Variants in YPEL2 observed in about 807,000 individuals in gnomAD.
YPEL2 encodes yippee like 2.
In YPEL2, 2 loss-of-function variants were observed where a neutral mutation model predicts 19.1. The ratio of observed to expected loss-of-function variants is 0.10; its 90% CI spans 0.04 to 0.33. The LOEUF is 0.33. Among genes scored for constraint, YPEL2 ranks in the 10% least tolerant of loss-of-function variants. YPEL2 has a pLI of 1.00. For synonymous variants in YPEL2, 52 were observed against 50.0 expected (o/e 1.04, Z -0.17); for missense variants, 66 against 140.7 (o/e 0.47, Z 2.68).
chr17:59,377,522 C>A (rs1456423428), intron 2 of YPEL2, among the ~76,000 whole-genome samples: 2 of 152,182 alleles, frequency 1.3e-5, no homozygotes, highest in East Asian at 3.8e-4. Flanking sequence ...GGGCATCCCC[C>A]ACTCCATCCT....
intron 2 of YPEL2, among the ~76,000 whole-genome samples, chr17:59,381,921 T>A (rs1232072119): frequency 6.6e-6 from 1 of 152,156 alleles, no homozygotes; most frequent in Non-Finnish European, 1.5e-5. Flanking sequence ...TAACTTCCTT[T>A]CAGTCTCCCC....
chr17:59,338,008 G>A (rs1313451325), intron 1 of YPEL2, among the ~76,000 whole-genome samples: 1 of 152,180 alleles, frequency 6.6e-6, no homozygotes, highest in Non-Finnish European at 1.5e-5. Context: ...TCTCTGAAAC[G>A]AGACAGAGCA....
intron 4 of YPEL2, 72 bp downstream of exon 4, chr17:59,389,540 C>G (rs1005607261): frequency 1.7e-6 from 2 of 1,166,540 alleles, no homozygotes; most frequent in Admixed American, 1.9e-5. Flanking sequence ...AGAACACTTT[C>G]TTCTACTCGC....
chr17:59,393,353 G>T (rs1157218263), intron 4 of YPEL2, among the ~76,000 whole-genome samples: 1 of 149,330 alleles, frequency 6.7e-6, no homozygotes, highest in African/African-American at 2.5e-5. Context: ...TCCCAGGCTG[G>T]TCTCAAACCG....
chr17:59,334,892 GC>G (rs146405263), intron 1 of YPEL2, among the ~76,000 whole-genome samples: 1,686 of 152,242 alleles, frequency 0.011, 58 homozygotes, highest in Admixed American at 0.065. Flanking sequence ...CAAAAGGATG[GC>G]AAGGGATAAG....
chr17:59,365,202 G>A (rs2047862243), intron 2 of YPEL2, among the ~76,000 whole-genome samples: 2 of 152,176 alleles, frequency 1.3e-5, no homozygotes, highest in South Asian at 4.1e-4. Flanking sequence ...GAGAGTCTCA[G>A]CAGTTGCCCT....
intron 2 of YPEL2, among the ~76,000 whole-genome samples, chr17:59,368,376 C>G (rs1017056656): frequency 1.4e-4 from 22 of 152,160 alleles, no homozygotes; most frequent in African/African-American, 4.8e-4. Context: ...GAACCGTGCA[C>G]TTGCCTGGAA....
At chr17:59,351,058 C>G (rs543407783) in intron 1 of YPEL2, among the ~76,000 whole-genome samples, 1 of 152,170 alleles carries the variant, frequency 6.6e-6, no homozygotes, top group South Asian at 2.1e-4. Flanking sequence ...TGCTGTCTAT[C>G]CTGAAATGGA....
intron 2 of YPEL2, among the ~76,000 whole-genome samples, chr17:59,381,601 G>A (rs1293459207): frequency 1.3e-5 from 2 of 152,120 alleles, no homozygotes; most frequent in Non-Finnish European, 2.9e-5. Flanking sequence ...GACTTGCAAA[G>A]GGGCCCAAAA....
intron 4 of YPEL2, among the ~76,000 whole-genome samples, chr17:59,396,553 G>A (rs1454328393): frequency 6.6e-6 from 1 of 152,198 alleles, no homozygotes; most frequent in Non-Finnish European, 1.5e-5. Context: ...AATGAGCGAA[G>A]CTCCTGGAAA....
At chr17:59,391,980 C>T (rs1361552896) in intron 4 of YPEL2, among the ~76,000 whole-genome samples, 2 of 151,758 alleles carry the variant, frequency 1.3e-5, no homozygotes, top group Non-Finnish European at 2.9e-5. Context: ...CTATGGTTGG[C>T]TTGGTTGTTC....
intron 2 of YPEL2, among the ~76,000 whole-genome samples, chr17:59,363,702 T>C (rs2047853757): frequency 6.6e-6 from 1 of 152,232 alleles, no homozygotes; most frequent in Admixed American, 6.5e-5. Context: ...ACAACATCCT[T>C]TCAATGTGGG....
rs188884090 is a variant in YPEL2, at chr17:59,393,439, T to G, written c.271-3662T>G. On this transcript the variant is annotated intron_variant, in intron 4 of 4. Transcript: ENST00000312655. ...TGTGAGCCACCACGCCTGGCCGAAT[T>G]TTTTTTTTCATAATAGGAAACTCAT... 1.0e-3 allele frequency among the ~76,000 whole-genome samples: 151 copies of G among 150,814 alleles called. 1 individual carries two copies. Among genetic ancestry groups the G allele is most frequent in the Non-Finnish European group, 1.4e-3 (96 of 67,684 alleles).
chr17:59,335,307 T>C (rs1247818049), intron 1 of YPEL2, among the ~76,000 whole-genome samples: 1 of 152,186 alleles, frequency 6.6e-6, no homozygotes, highest in East Asian at 1.9e-4. Context: ...TATTCTCTTG[T>C]CGCCAATTTG....
At chr17:59,375,665 G>A (rs62083337) in intron 2 of YPEL2, among the ~76,000 whole-genome samples, 1 of 152,192 alleles carries the variant, frequency 6.6e-6, no homozygotes, top group South Asian at 2.1e-4. Context: ...TTTGGAAACT[G>A]CAATTCTAAT....
At position 59,338,971 on chromosome 17, in the gene YPEL2, C is replaced by T. The variant is rs1253200087; in HGVS notation, c.-196+7147C>T. ...CCCACACATGACTGAGGTCTGGAAA[C>T]CACTGAGGTCGTGCTTGATCCCTCT... On this transcript the variant is annotated intron_variant, in intron 1 of 4. Transcript: ENST00000312655. Among the ~76,000 whole-genome samples, 4 of 152,200 alleles carry T rather than the reference C, an allele frequency of 2.6e-5. No homozygotes were observed. In the East Asian group the frequency reaches 7.7e-4, roughly 29 times the overall value.
chr17:59,394,340 G>A (rs1185252189), intron 4 of YPEL2, among the ~76,000 whole-genome samples: 8 of 150,852 alleles, frequency 5.3e-5, no homozygotes, highest in East Asian at 4.0e-4. Flanking sequence ...AGACGGGGTC[G>A]CGGCCGGGCA....
intron 2 of YPEL2, among the ~76,000 whole-genome samples, chr17:59,367,369 G>A (rs1053307270): frequency 1.3e-5 from 2 of 152,172 alleles, no homozygotes; most frequent in African/African-American, 4.8e-5. Context: ...TTGCAGTCTT[G>A]ATTCCCTGTT....
intron 2 of YPEL2, among the ~76,000 whole-genome samples, chr17:59,367,819 C>A (rs1301059273): frequency 6.6e-6 from 1 of 152,154 alleles, no homozygotes; most frequent in African/African-American, 2.4e-5. Flanking sequence ...ACAAGGTGAT[C>A]AAGCCAGATA....
Sources: gnomAD v4.1 joint callset for allele counts (sites outside exome capture counted in the v4.1 genomes callset) on GRCh38, gnomAD v4.1.1 for gene constraint, MANE v1.5 for transcripts, NCBI Gene and HGNC (gene_info 2026-07-23, HGNC 2026-07-21) for gene names.